HERC4: variants seen among roughly 807,000 people sequenced by gnomAD.
HERC4 encodes the protein HECT and RLD domain containing E3 ubiquitin protein ligase 4, also known as probable E3 ubiquitin-protein ligase HERC4.
Under a neutral mutation model 124.3 loss-of-function variants are expected in HERC4, and 28 were observed. That is an observed-to-expected ratio of 0.23 (90% CI 0.17 to 0.31). HERC4 has a LOEUF of 0.31. Among genes scored for constraint, HERC4 ranks in the 10% least tolerant of loss-of-function variants. The pLI, the probability that HERC4 is intolerant of heterozygous loss-of-function variation, is 1.00. For synonymous variants in HERC4, 407 were observed against 421.5 expected (o/e 0.97, Z 0.42); for missense variants, 713 against 1,229.3 (o/e 0.58, Z 6.28).
intron 3 of HERC4, among the ~76,000 whole-genome samples, chr10:68,055,233 C>T (rs1383640449): frequency 6.6e-6 from 1 of 152,130 alleles, no homozygotes; most frequent in Non-Finnish European, 1.5e-5. Flanking sequence ...ACAAACAAAA[C>T]TAAAACATCA....
intron 14 of HERC4, 47 bp from the exon 15 acceptor site, chr10:67,988,882 A>G: frequency 6.8e-7 from 1 of 1,478,046 alleles, no homozygotes. Context: ...TTTTTAAAAA[A>G]TCACAATTTT....
At chr10:67,931,071 C>T (rs754832860) in intron 23 of HERC4, among the ~76,000 whole-genome samples, 15 of 152,076 alleles carry the variant, frequency 9.9e-5, no homozygotes, top group Non-Finnish European at 1.8e-4. Context: ...TTGAACCCTC[C>T]GCTTCCCGGG....
intron 3 of HERC4, among the ~76,000 whole-genome samples, chr10:68,059,622 TTA>T (rs1170600174): frequency 3.2e-5 from 3 of 93,792 alleles, no homozygotes; most frequent in Non-Finnish European, 1.8e-5. Context: ...TATCATAATA[TTA>T]TATATCATAA....
rs1488910493 is a variant in HERC4, at chr10:67,924,962, G to A, written c.2941+123C>T. On this transcript the variant is annotated intron_variant, in intron 24 of 24. Coordinates refer to ENST00000373700, the MANE Select transcript of HERC4 (RefSeq NM_015601.4). ...TAGCCTTTGAAATAAGAAAATACAT[G>A]TACTGAAGAGTGCAGATAGTTCTGT... 7.1e-6 allele frequency: 4 copies of A among 559,474 alleles called. No homozygotes were observed. In the Admixed American group the frequency reaches 1.0e-4, roughly 14 times the overall value. The allele number at this position is 559,474 out of a possible 1,614,324, so 34.7% of individuals were successfully genotyped here.
chr10:67,936,164 G>A lies in HERC4; in HGVS notation c.2643C>T (p.Asn881=). The stretch of plus-strand genomic sequence containing the variant: ...TAAAATTCACTTACCGATTTTGTTT[G>A]TTAACAGCTGTGTCTGCACCATTTA... ...LVLNGADTAV[N]KQNRQEFVDA... is the part of the protein sequence containing the mutation. The change falls in exon 22 of 25, where the codon AAC becomes AAT. Residue 881 remains asparagine (N), a synonymous_variant. Transcript: ENST00000373700. 1 of 1,588,384 alleles carries A rather than the reference G, an allele frequency of 6.3e-7. No homozygotes were observed. The highest frequency in any genetic ancestry group is 8.5e-7 in the Non-Finnish European group (1 of 1,170,000).
intron 8 of HERC4, among the ~76,000 whole-genome samples, chr10:68,018,735 A>G (rs1327936769): frequency 6.6e-6 from 1 of 152,188 alleles, no homozygotes; most frequent in Non-Finnish European, 1.5e-5. Context: ...TGGAACTACG[A>G]AGAGATATGC....
At chr10:67,977,696 T>C (rs1275876981) in intron 15 of HERC4, among the ~76,000 whole-genome samples, 1 of 152,114 alleles carries the variant, frequency 6.6e-6, no homozygotes, top group Non-Finnish European at 1.5e-5. Context: ...AAAGAGCCCT[T>C]AAGGACCAGG....
At chr10:68,040,104 TA>T in intron 4 of HERC4, 2 of 947,996 alleles carry the variant, frequency 2.1e-6, no homozygotes, top group Non-Finnish European at 1.3e-6. Context: ...AATATACTGT[TA>T]AAGGATAACT....
intron 7 of HERC4, among the ~76,000 whole-genome samples, chr10:68,030,213 G>C (rs931588302): frequency 1.4e-4 from 21 of 151,884 alleles, no homozygotes; most frequent in African/African-American, 4.6e-4. Context: ...GCAGAGGCGG[G>C]CAGATCACTT....
At chr10:68,051,613 C>A (rs1239197307) in intron 3 of HERC4, among the ~76,000 whole-genome samples, 1 of 151,914 alleles carries the variant, frequency 6.6e-6, no homozygotes, top group African/African-American at 2.4e-5. Context: ...CCCGCCTCGG[C>A]CTCCCAAAGT....
intron 15 of HERC4, among the ~76,000 whole-genome samples, chr10:67,985,474 T>C (rs957867064): frequency 2.0e-5 from 3 of 152,254 alleles, no homozygotes; most frequent in Admixed American, 6.5e-5. Context: ...TAAAGTTTAG[T>C]ATTCTTGCTT....
chr10:67,968,198 A>G (rs1035927190), intron 15 of HERC4, among the ~76,000 whole-genome samples: 42 of 152,180 alleles, frequency 2.8e-4, no homozygotes, highest in Admixed American at 2.4e-3. Context: ...TAAAAAAATC[A>G]AAGAAAGGAA....
intron 9 of HERC4, among the ~76,000 whole-genome samples, chr10:68,004,635 A>G (rs1021411017): frequency 1.3e-5 from 2 of 152,200 alleles, no homozygotes; most frequent in Non-Finnish European, 2.9e-5. Context: ...TGGGTAATTT[A>G]TAAAGGAAAG....
In HERC4 at chr10:67,932,641, T is replaced by C; in HGVS notation, c.2794A>G (p.Met932Val). 5 of 1,611,118 alleles carry C rather than the reference T, an allele frequency of 3.1e-6. No homozygotes were observed. The highest frequency in any genetic ancestry group is 4.2e-6 in the Non-Finnish European group (5 of 1,179,156). The change falls in exon 23 of 25, where the codon ATG becomes GTG. Residue 932 changes from methionine (M) to valine (V), a missense_variant. Coordinates refer to ENST00000373700, the MANE Select transcript of HERC4 (RefSeq NM_015601.4). The stretch of plus-strand genomic sequence containing the variant: ...TCATAATTTGTATTTCCAATGACCA[T>C]TGCTTGTAGTTCATTAGGCTGAAAG... Reference protein sequence around the residue: ...LLFQPNELQAMVIGNTNYDWK... With the variant: ...LLFQPNELQAVVIGNTNYDWK...
In HERC4 at chr10:68,066,780, A is replaced by G. The variant is rs566080179; in HGVS notation, c.226+6103T>C. On this transcript the variant is annotated intron_variant, in intron 3 of 24. Coordinates refer to ENST00000373700, the MANE Select transcript of HERC4 (RefSeq NM_015601.4). ...AAAAGAGAAAAGACTGGGCATTACCATAGTTAAGTTTCTGTTCGTTTGTTC... is the reference window on the plus strand; with the variant it reads ...AAAAGAGAAAAGACTGGGCATTACCGTAGTTAAGTTTCTGTTCGTTTGTTC... Among the ~76,000 whole-genome samples, 3 of 152,346 alleles carry G rather than the reference A, an allele frequency of 2.0e-5. No homozygotes were observed. In the East Asian group the frequency reaches 5.8e-4, roughly 29 times the overall value.
At chr10:68,035,900 T>C (rs1048838259) in intron 5 of HERC4, among the ~76,000 whole-genome samples, 4 of 152,220 alleles carry the variant, frequency 2.6e-5, no homozygotes, top group African/African-American at 7.2e-5. Context: ...TTTTTCTTTA[T>C]AGCCCTTATC....
chr10:67,952,271 T>C (rs1327914832), intron 19 of HERC4, among the ~76,000 whole-genome samples: 1 of 152,126 alleles, frequency 6.6e-6, no homozygotes, highest in Non-Finnish European at 1.5e-5. Flanking sequence ...GTTGCTCTTA[T>C]CCTTACCTCT....
At chr10:67,927,721 G>A (rs1350448367) in intron 23 of HERC4, among the ~76,000 whole-genome samples, 1 of 151,888 alleles carries the variant, frequency 6.6e-6, no homozygotes, top group Non-Finnish European at 1.5e-5. Flanking sequence ...CACTGCGCCC[G>A]GCCGCTACAA....
intron 23 of HERC4, among the ~76,000 whole-genome samples, chr10:67,927,224 GT>G (rs1168153734): frequency 6.6e-6 from 1 of 150,678 alleles, no homozygotes; most frequent in African/African-American, 2.4e-5. Context: ...GATGGCTAAA[GT>G]TTTTTTTTCT....
Sources: gnomAD v4.1 joint callset for allele counts (sites outside exome capture counted in the v4.1 genomes callset) on GRCh38, gnomAD v4.1.1 for gene constraint, MANE v1.5 for transcripts, NCBI Gene and HGNC (gene_info 2026-07-23, HGNC 2026-07-21) for gene names.